The following CACNA1C variants were observed in gnomAD, a reference collection of about 807,000 sequenced individuals.
The protein encoded by CACNA1C is calcium voltage-gated channel subunit alpha1 C.
CACNA1C carries 30 observed loss-of-function variants against 229.0 expected under a neutral mutation model. The ratio of observed to expected loss-of-function variants is 0.13; its 90% CI spans 0.10 to 0.18. The LOEUF (loss-of-function observed/expected upper bound fraction) is 0.18, where lower values mean the gene tolerates loss of function less well. Ranked by LOEUF, CACNA1C falls within the 10% of genes least tolerant of loss-of-function variation. The pLI, the probability that CACNA1C is intolerant of heterozygous loss-of-function variation, is 1.00. For missense variants in CACNA1C, 1,658 were observed against 2,845.0 expected, an observed-to-expected ratio of 0.58 and a Z score of 9.49; for synonymous variants, 1,114 against 1,132.5, an observed-to-expected ratio of 0.98 and a Z score of 0.33.
intron 1 of CACNA1C, among the ~76,000 whole-genome samples, chr12:1,980,766 A>ATCG (rs2035904593): frequency 6.6e-6 from 1 of 151,854 alleles, no homozygotes; most frequent in African/African-American, 2.4e-5. Flanking sequence ...TAAAACATCG[A>ATCG]TAGCATAAGC....
chr12:2,493,520 G>A lies in CACNA1C; in HGVS notation c.1113+134G>A, dbSNP rs927549309. 24 of 715,322 alleles carry A rather than the reference G, an allele frequency of 3.4e-5. No individual in the cohort carries two copies. Among genetic ancestry groups the A allele is most frequent in the Middle Eastern group, 3.9e-4 (1 of 2,568 alleles). 44.3% of individuals were successfully genotyped at this position (715,322 alleles called of 1,614,324 possible). ...CTTGATGGAATGGTTGATGAAGAGC[G>A]TCTTTGATTTCTTCCAGGTCTTGCC... On this transcript the variant is annotated intron_variant, in intron 7 of 46. Transcript: ENST00000399655. The surrounding 1 kb of genome is among the most constrained non-coding windows in gnomAD (Gnocchi z 4.6).
chr12:2,694,817 ATGG>A lies in CACNA1C; in HGVS notation c.*3622_*3624del, dbSNP rs2097825218. 1.3e-5 allele frequency: 2 copies of A among 152,328 alleles called. No homozygotes were observed. Among genetic ancestry groups the A allele is most frequent in the African/African-American group, 4.8e-5 (2 of 41,576 alleles). 9.4% of individuals were successfully genotyped at this position (152,328 alleles called of 1,614,324 possible). ...GAGGACTTTGGAAGTCACCCAAAAG[ATGG>A]TGGCTACTTTATGGAGTCCTGAAGA... On this transcript the variant is annotated 3_prime_UTR_variant, in exon 47 of 47. Coordinates refer to ENST00000399655, the MANE Select transcript of CACNA1C (RefSeq NM_000719.7).
chr12:2,545,307 G>T (rs991089470), intron 9 of CACNA1C, among the ~76,000 whole-genome samples: 1 of 143,254 alleles, frequency 7.0e-6, no homozygotes, highest in East Asian at 2.2e-4. Context: ...ACCATAGAAT[G>T]GTTGACATTG....
chr12:2,547,091 C>T lies in CACNA1C; in HGVS notation c.1391-2852C>T, dbSNP rs373778566. Among the ~76,000 whole-genome samples, 53 of 152,244 alleles carry T rather than the reference C, an allele frequency of 3.5e-4. No individual in the cohort carries two copies. The East Asian group carries it at 7.3e-3, about 21-fold the overall frequency. On this transcript the variant is annotated intron_variant, in intron 9 of 46. Transcript: ENST00000399655. Reference sequence around the variant, plus strand: ...TGACCCCGCTTGAGCCTGCAAAGGGCGACAGCTCCCTATGGAAACAACAGG... The same window carrying T: ...TGACCCCGCTTGAGCCTGCAAAGGGTGACAGCTCCCTATGGAAACAACAGG...
intron 3 of CACNA1C, among the ~76,000 whole-genome samples, chr12:2,256,479 T>C (rs1327343327): frequency 6.6e-6 from 1 of 152,216 alleles, no homozygotes; most frequent in Non-Finnish European, 1.5e-5. Flanking sequence ...TGAGCTTTCA[T>C]TACCTGTCTA....
At chr12:2,522,882 C>T (rs2099812614) in intron 9 of CACNA1C, among the ~76,000 whole-genome samples, 1 of 152,092 alleles carries the variant, frequency 6.6e-6, no homozygotes, top group South Asian at 2.1e-4. Context: ...AAGTGAGGCT[C>T]GGAAAAGTTA....
chr12:2,020,816 A>G (rs2046312928), intron 1 of CACNA1C, among the ~76,000 whole-genome samples: 1 of 152,200 alleles, frequency 6.6e-6, no homozygotes, highest in African/African-American at 2.4e-5. Context: ...GCATCTTGAC[A>G]AGGTGGTGGT....
At chr12:2,460,032 C>G (rs1324435040) in intron 5 of CACNA1C, among the ~76,000 whole-genome samples, 5 of 152,236 alleles carry the variant, frequency 3.3e-5, no homozygotes, top group Non-Finnish European at 7.3e-5. Flanking sequence ...ACACCTGGCT[C>G]ATGGCACCTG....
chr12:2,391,610 G>A (rs2098480953), intron 3 of CACNA1C, among the ~76,000 whole-genome samples: 1 of 66,386 alleles, frequency 1.5e-5, no homozygotes. Context: ...GCAGAGAGGA[G>A]GAAACAAGGT....
In CACNA1C at chr12:2,249,954, G is replaced by A. The variant is rs1345829298; in HGVS notation, c.477+129524G>A. On this transcript the variant is annotated intron_variant, in intron 3 of 46. Coordinates refer to ENST00000399655, the MANE Select transcript of CACNA1C (RefSeq NM_000719.7). ...CTCTCGAGTAGCTGAGACTACAGGCGCCCGCCACCACGCCTGGCTAATTTT... is the reference window on the plus strand; with the variant it reads ...CTCTCGAGTAGCTGAGACTACAGGCACCCGCCACCACGCCTGGCTAATTTT... Among the ~76,000 whole-genome samples the A allele has an allele frequency of 3.9e-5, 6 of 152,118 alleles. No individual in the cohort carries two copies. The East Asian group carries it at 5.8e-4, about 15-fold the overall frequency.
rs1296378943 is a variant in CACNA1C at position 2,493,540 on chromosome 12, C to G, written c.1113+154C>G. On this transcript the variant is annotated intron_variant, in intron 7 of 46. Coordinates refer to ENST00000399655, the MANE Select transcript of CACNA1C (RefSeq NM_000719.7). This position sits in a 1 kb window ranked among gnomAD's most constrained non-coding sequence, Gnocchi z 4.6. ...AGAGCGTCTTTGATTTCTTCCAGGT[C>G]TTGCCTGAGAAACAAGGCATGAGCT... Among the ~76,000 whole-genome samples, 2 of 151,966 alleles carry G rather than the reference C, an allele frequency of 1.3e-5. No homozygotes were observed. The highest frequency in any genetic ancestry group is 6.6e-5 in the Admixed American group (1 of 15,264).
intron 3 of CACNA1C, among the ~76,000 whole-genome samples, chr12:2,216,023 G>C (rs1200097506): frequency 1.3e-5 from 2 of 152,240 alleles, no homozygotes; most frequent in Non-Finnish European, 2.9e-5. Context: ...ACTCAGCAGA[G>C]ATGTGTCCTA....
chr12:2,671,161 C>T (rs1017730678), intron 38 of CACNA1C, among the ~76,000 whole-genome samples: 1 of 151,916 alleles, frequency 6.6e-6, no homozygotes, highest in African/African-American at 2.4e-5. Context: ...ATTACAGGCA[C>T]GTGCCACCAC....
intron 3 of CACNA1C, among the ~76,000 whole-genome samples, chr12:2,153,483 C>T (rs1283683002): frequency 6.6e-6 from 1 of 152,190 alleles, no homozygotes; most frequent in Non-Finnish European, 1.5e-5. Context: ...ATTCCCCCTT[C>T]CCCCAGCCCC....
In CACNA1C at chr12:2,566,011, C is replaced by T. The variant is rs2154593300; in HGVS notation, c.1509-411C>T. Among the ~76,000 whole-genome samples the T allele has an allele frequency of 6.6e-6, 1 of 152,306 alleles. No homozygotes were observed. Among genetic ancestry groups the T allele is most frequent in the East Asian group, 1.9e-4 (1 of 5,178 alleles). ...AATTGGAGAGAAGGCATGAGAAGTG[C>T]CTGATGTGGTACTGGGCCCCTCCTC... On this transcript the variant is annotated intron_variant, in intron 11 of 46. Transcript: ENST00000399655. The surrounding 1 kb of genome is among the most constrained non-coding windows in gnomAD (Gnocchi z 4.0).
chr12:2,223,865 A>G (rs1307565578), intron 3 of CACNA1C, among the ~76,000 whole-genome samples: 1 of 152,230 alleles, frequency 6.6e-6, no homozygotes, highest in African/African-American at 2.4e-5. Context: ...CAAGAGCTCA[A>G]TAAATAATTA....
chr12:2,563,260 T>C (rs1190342495), intron 11 of CACNA1C, among the ~76,000 whole-genome samples: 1 of 152,258 alleles, frequency 6.6e-6, no homozygotes, highest in Non-Finnish European at 1.5e-5. Flanking sequence ...ATGTACCACA[T>C]TTTCTTCATT....
intron 3 of CACNA1C, among the ~76,000 whole-genome samples, chr12:2,216,392 C>G (rs2059978379): frequency 6.6e-6 from 1 of 152,134 alleles, no homozygotes; most frequent in Non-Finnish European, 1.5e-5. Context: ...GGCACGCAGT[C>G]CACAATTAGA....
At chr12:2,455,534 C>G (rs1221561518) in intron 4 of CACNA1C, among the ~76,000 whole-genome samples, 1 of 152,160 alleles carries the variant, frequency 6.6e-6, no homozygotes. Flanking sequence ...TGGCTCCTAG[C>G]AAAGGTAAAT....
Sources: gnomAD v4.1 joint callset for allele counts (sites outside exome capture counted in the v4.1 genomes callset) on GRCh38, gnomAD v4.1.1 for gene constraint, Gnocchi (gnomAD v3.1) non-coding constraint, MANE v1.5 for transcripts, NCBI Gene and HGNC (gene_info 2026-07-23, HGNC 2026-07-21) for gene names.